IFT74: variants seen among roughly 807,000 people sequenced by gnomAD.
The protein encoded by IFT74 is intraflagellar transport protein 74 homolog.
IFT74 carries 92 observed loss-of-function variants against 96.7 expected under a neutral mutation model. The ratio of observed to expected loss-of-function variants is 0.95; its 90% confidence interval spans 0.80 to 1.13. The LOEUF (loss-of-function observed/expected upper bound fraction) is 1.13. IFT74 is among the 50% of genes most tolerant of loss of function. The probability of loss-of-function intolerance (pLI) is 0.00; values close to 1 mark genes in which losing one functional copy is unlikely to be tolerated. For missense variants in IFT74, 811 were observed against 698.2 expected (o/e 1.16, Z -1.82); for synonymous variants, 223 against 213.2 (o/e 1.05, Z -0.40).
intron 8 of IFT74, among the ~76,000 whole-genome samples, chr9:27,004,613 T>G (rs1482894621): frequency 6.6e-6 from 1 of 152,236 alleles, no homozygotes; most frequent in Non-Finnish European, 1.5e-5. Context: ...AAATTATCCA[T>G]CAGTCAGTTT....
In IFT74 at chr9:26,973,256, C is replaced by T. The variant is rs549317244; in HGVS notation, c.121-4872C>T. Among the ~76,000 whole-genome samples, 5 of 152,300 alleles carry T rather than the reference C, an allele frequency of 3.3e-5. No homozygotes were observed. In the South Asian group the frequency reaches 1.0e-3, roughly 32 times the overall value. ...GTGGTCTGGACTATCTGGTTAATAG[C>T]TCTGAAGTCTTGTACTAATCAGTAT... is the stretch of plus-strand genomic sequence containing the variant. On this transcript the variant is annotated intron_variant, in intron 2 of 19. Transcript: ENST00000380062.
At chr9:27,008,309 G>C (rs1243859290) in intron 8 of IFT74, among the ~76,000 whole-genome samples, 1 of 151,922 alleles carries the variant, frequency 6.6e-6, no homozygotes, top group African/African-American at 2.4e-5. Context: ...AATTTAGTCA[G>C]AAAAACTTAT....
chr9:26,947,307 C>A, intron 1 of IFT74: 1 of 469,110 alleles, frequency 2.1e-6, no homozygotes, highest in Non-Finnish European at 3.8e-6. Flanking sequence ...TGCGTCCCAA[C>A]CGCCGACGCC....
At chr9:27,037,363 A>C (rs994059268) in intron 13 of IFT74, among the ~76,000 whole-genome samples, 1 of 152,190 alleles carries the variant, frequency 6.6e-6, no homozygotes, top group African/African-American at 2.4e-5. Context: ...CCTATGAGGA[A>C]GTTGAAGAGA....
At chr9:27,001,942 C>CTT (rs35725614) in intron 8 of IFT74, among the ~76,000 whole-genome samples, 34 of 145,092 alleles carry the variant, frequency 2.3e-4, no homozygotes, top group Non-Finnish European at 3.0e-4. Context: ...CTTTTTTTCT[C>CTT]TTTTTTTTTT....
intron 10 of IFT74, among the ~76,000 whole-genome samples, chr9:27,012,708 GTTTTTTTTTTTTTT>G (rs772920018): frequency 1.9e-5 from 1 of 53,864 alleles, no homozygotes; most frequent in Non-Finnish European, 3.2e-5. Context: ...AAAAATGTCT[GTTTTTTTTTTTTTT>G]TTTTTTTTTT....
intron 12 of IFT74, among the ~76,000 whole-genome samples, chr9:27,023,911 A>G (rs1043094876): frequency 1.2e-4 from 18 of 152,188 alleles, no homozygotes; most frequent in African/African-American, 4.3e-4. Context: ...GACAAAAGAC[A>G]TAAACTTGTG....
Position 27,036,226 on chromosome 9 carries a change from G to A in IFT74, c.1054+7122G>A, listed in dbSNP as rs117912554. Among the ~76,000 whole-genome samples, 569 of 152,288 alleles carry A rather than the reference G, an allele frequency of 3.7e-3. 1 individual carries two copies. The highest frequency in any genetic ancestry group is 0.02 in the Middle Eastern group (6 of 294). On this transcript the variant is annotated intron_variant, in intron 13 of 19. Coordinates refer to ENST00000380062, the MANE Select transcript of IFT74 (RefSeq NM_025103.4). ...GGAAGAGTTTGGTCTTGCTATCTCA[G>A]GGGTAGCAGAGGCAGAAGAAAATCT... is the stretch of plus-strand genomic sequence containing the variant.
chr9:27,008,042 C>T (rs961650907), intron 8 of IFT74, among the ~76,000 whole-genome samples: 6 of 152,068 alleles, frequency 3.9e-5, no homozygotes, highest in South Asian at 2.1e-4. Context: ...ACTATTACTA[C>T]TTTTATAGGA....
Position 27,050,009 on chromosome 9 carries a change from G to C in IFT74, c.1333+1735G>C, listed in dbSNP as rs531630360. Reference sequence around the variant, plus strand: ...TAAGCTATATAAAAATGATCAAAGAGATATTTTATCTTCACGACATTTCAA... The same window carrying C: ...TAAGCTATATAAAAATGATCAAAGACATATTTTATCTTCACGACATTTCAA... On this transcript the variant is annotated intron_variant, in intron 16 of 19. Coordinates refer to ENST00000380062, the MANE Select transcript of IFT74 (RefSeq NM_025103.4). 3.4e-3 allele frequency among the ~76,000 whole-genome samples: 510 copies of C among 152,144 alleles called. 5 individuals are homozygous for C. The highest frequency in any genetic ancestry group is 0.012 in the African/African-American group (490 of 41,500).
At chr9:26,996,170 G>T (rs1828144698) in intron 8 of IFT74, 2 of 598,764 alleles carry the variant, frequency 3.3e-6, no homozygotes, top group South Asian at 8.3e-5. Flanking sequence ...TAGTTTGGAA[G>T]AGCAATATTT....
Position 27,061,668 on chromosome 9 carries a change from T to G in IFT74, c.1685-950T>G, listed in dbSNP as rs868076025. On this transcript the variant is annotated intron_variant, in intron 19 of 19. Transcript: ENST00000380062. Reference sequence around the variant, plus strand: ...TTATATATAACCATATAGTTATATATATCCACAAGTATATATATATATATA... The same window carrying G: ...TTATATATAACCATATAGTTATATAGATCCACAAGTATATATATATATATA... 8.8e-4 allele frequency among the ~76,000 whole-genome samples: 120 copies of G among 136,162 alleles called. 2 individuals are homozygous for G. The highest frequency in any genetic ancestry group is 3.3e-3 in the African/African-American group (118 of 36,156). The allele number at this position is 136,162 out of a possible 152,430, so 89.3% of individuals were successfully genotyped here.
chr9:26,948,022 C>T (rs1825802329), intron 1 of IFT74, among the ~76,000 whole-genome samples: 2 of 152,182 alleles, frequency 1.3e-5, no homozygotes, highest in South Asian at 2.1e-4. Flanking sequence ...TCTCTCGCAT[C>T]CAACTACACT....
intron 14 of IFT74, among the ~76,000 whole-genome samples, chr9:27,045,274 A>G (rs901045524): frequency 2.6e-5 from 4 of 152,170 alleles, no homozygotes; most frequent in Non-Finnish European, 5.9e-5. Flanking sequence ...TGATGATCTC[A>G]GGTAGAACAG....
At chr9:27,061,924 A>G (rs1014021911) in intron 19 of IFT74, among the ~76,000 whole-genome samples, 6 of 152,122 alleles carry the variant, frequency 3.9e-5, no homozygotes, top group African/African-American at 1.4e-4. Context: ...GCTGTTGAGA[A>G]CATGTGTTGT....
intron 10 of IFT74, among the ~76,000 whole-genome samples, chr9:27,012,649 C>G (rs555167510): frequency 1.4e-5 from 2 of 140,564 alleles, no homozygotes; most frequent in African/African-American, 5.3e-5. Flanking sequence ...CTTTATTTCA[C>G]AAAACAAAAT....
chr9:26,988,641 G>A (rs147769183), intron 6 of IFT74, 28 bp from the exon 7 acceptor site: 23 of 1,522,570 alleles, frequency 1.5e-5, no homozygotes, highest in African/African-American at 4.2e-5. Flanking sequence ...ACAAAATGGT[G>A]TTTGTTTGTT....
chr9:27,058,963 G>A (rs1820294943), intron 18 of IFT74, among the ~76,000 whole-genome samples: 1 of 152,120 alleles, frequency 6.6e-6, no homozygotes, highest in Non-Finnish European at 1.5e-5. Context: ...ACAAAGTTTG[G>A]GAGGTCATTG....
At chr9:27,030,853 G>T (rs1333706316) in intron 13 of IFT74, among the ~76,000 whole-genome samples, 1 of 152,136 alleles carries the variant, frequency 6.6e-6, no homozygotes, top group African/African-American at 2.4e-5. Context: ...AATAGAAAAA[G>T]TATTGTTCTT....
Sources: allele counts gnomAD v4.1 joint callset (sites outside exome capture counted in the v4.1 genomes callset), GRCh38; gene constraint gnomAD v4.1.1; transcripts MANE v1.5; gene names NCBI Gene and HGNC (gene_info 2026-07-23, HGNC 2026-07-21).